PDE7B: variants seen among roughly 807,000 people sequenced by gnomAD.
The protein encoded by PDE7B is 3',5'-cyclic-AMP phosphodiesterase 7B.
In PDE7B, 29 loss-of-function variants were observed where a neutral mutation model predicts 56.2. The ratio of observed to expected loss-of-function variants is 0.52; its 90% CI spans 0.38 to 0.70. The LOEUF (loss-of-function observed/expected upper bound fraction) is 0.70, where lower values mean the gene tolerates loss of function less well. PDE7B is among the 30% of genes least tolerant of loss of function. The pLI is 0.00. For synonymous variants in PDE7B, 197 were observed against 196.9 expected (o/e 1.00, Z 0.00); for missense variants, 490 against 565.0 (o/e 0.87, Z 1.35).
At chr6:135,941,146 C>T (rs1286752440) in intron 1 of PDE7B, among the ~76,000 whole-genome samples, 1 of 151,934 alleles carries the variant, frequency 6.6e-6, no homozygotes, top group Non-Finnish European at 1.5e-5. Flanking sequence ...TTCCCTTTGC[C>T]ACTCTTGGGA....
intron 2 of PDE7B, among the ~76,000 whole-genome samples, chr6:136,075,597 T>C (rs976166379): frequency 3.3e-5 from 5 of 152,226 alleles, no homozygotes; most frequent in African/African-American, 1.2e-4. Context: ...AACTTAGTTC[T>C]GGGTGAAGTG....
At chr6:136,162,580 T>G (rs1778724428) in intron 8 of PDE7B, among the ~76,000 whole-genome samples, 1 of 152,140 alleles carries the variant, frequency 6.6e-6, no homozygotes, top group South Asian at 2.1e-4. Context: ...TCCTCACATT[T>G]CAAAACACAG....
At chr6:135,976,772 A>G (rs1403317218) in intron 2 of PDE7B, among the ~76,000 whole-genome samples, 1 of 152,178 alleles carries the variant, frequency 6.6e-6, no homozygotes, top group African/African-American at 2.4e-5. Flanking sequence ...ATCTGCAAAT[A>G]GTATGATAAT....
At chr6:135,967,919 G>A (rs1775024744) in intron 2 of PDE7B, among the ~76,000 whole-genome samples, 1 of 152,218 alleles carries the variant, frequency 6.6e-6, no homozygotes, top group African/African-American at 2.4e-5. Context: ...GCTGAGAACA[G>A]AGAAAGTCAA....
At chr6:136,086,086 C>G (rs1367139041) in intron 2 of PDE7B, among the ~76,000 whole-genome samples, 2 of 152,138 alleles carry the variant, frequency 1.3e-5, no homozygotes, top group East Asian at 3.9e-4. Flanking sequence ...GATAGTTATT[C>G]TGCAGTACTT....
chr6:136,054,245 A>T (rs1027463865), intron 2 of PDE7B, among the ~76,000 whole-genome samples: 1 of 152,176 alleles, frequency 6.6e-6, no homozygotes, highest in African/African-American at 2.4e-5. Context: ...GGTGTAAGGA[A>T]GGGATCCAGT....
chr6:136,183,072 C>CAA lies in PDE7B; in HGVS notation c.1045+1767_1045+1768dup, dbSNP rs869296450. On this transcript the variant is annotated intron_variant, in intron 11 of 12. Coordinates refer to ENST00000308191, the MANE Select transcript of PDE7B (RefSeq NM_018945.4). ...GGGCAACAGAGCAAGACTCCGTCTC[C>CAA]AAAAAAAAAAAAAAAAAAACCCTTT... Among the ~76,000 whole-genome samples the CAA allele has an allele frequency of 9.9e-3, 500 of 50,434 alleles. 5 individuals are homozygous for CAA. The highest frequency in any genetic ancestry group is 0.029 in the African/African-American group (409 of 14,192). The allele number at this position is 50,434 out of a possible 152,430, so 33.1% of individuals were successfully genotyped here.
At chr6:135,903,769 T>G (rs1324062815) in intron 1 of PDE7B, among the ~76,000 whole-genome samples, 1 of 152,206 alleles carries the variant, frequency 6.6e-6, no homozygotes, top group Non-Finnish European at 1.5e-5. Flanking sequence ...AAATCTTGTA[T>G]TTTTAGAGAA....
rs1774236133 is a variant in PDE7B, at chr6:135,928,489, A to ATATT, written c.22-18972_22-18971insTTAT. Among the ~76,000 whole-genome samples the ATATT allele has an allele frequency of 2.3e-3, 186 of 81,456 alleles. 3 individuals are homozygous for ATATT. The highest frequency in any genetic ancestry group is 3.7e-3 in the East Asian group (10 of 2,698). The allele number at this position is 81,456 out of a possible 152,430, so 53.4% of individuals were successfully genotyped here. On this transcript the variant is annotated intron_variant, in intron 1 of 12. Coordinates refer to ENST00000308191, the MANE Select transcript of PDE7B (RefSeq NM_018945.4). ...TTTATTTATATATATATATTTATTTATATATATATATTTATATATATATAT... is the reference window on the plus strand; with the variant it reads ...TTTATTTATATATATATATTTATTTATATTTATATATATATTTATATATATATAT...
At chr6:136,131,958 C>T (rs73565082) in intron 3 of PDE7B, among the ~76,000 whole-genome samples, 6,722 of 152,106 alleles carry the variant, frequency 0.044, 495 homozygotes, top group African/African-American at 0.15. Flanking sequence ...TTTAAACACT[C>T]GTATTTATGA....
chr6:136,151,018 T>C lies in PDE7B; in HGVS notation c.383-142T>C. 6 of 574,314 alleles carry C rather than the reference T, an allele frequency of 1.0e-5. No homozygotes were observed. The South Asian group carries it at 1.5e-4, about 14-fold the overall frequency. 35.6% of individuals were successfully genotyped at this position (574,314 alleles called of 1,614,324 possible). A position where few individuals can be genotyped will look rare whatever the true frequency, so the allele number is the denominator to read the frequency against. Reference sequence around the variant, plus strand: ...ATCAGATCATAGTAATAATATGCTCTATCCTTGAATAATTTCACTTCTAAA... The same window carrying C: ...ATCAGATCATAGTAATAATATGCTCCATCCTTGAATAATTTCACTTCTAAA... On this transcript the variant is annotated intron_variant, in intron 5 of 12. Transcript: ENST00000308191.
chr6:136,050,807 T>C (rs1374919204), intron 2 of PDE7B, among the ~76,000 whole-genome samples: 5 of 152,204 alleles, frequency 3.3e-5, no homozygotes, highest in Admixed American at 2.0e-4. Flanking sequence ...CATTTGTTTT[T>C]CTTTCCTGCT....
intron 6 of PDE7B, among the ~76,000 whole-genome samples, chr6:136,153,552 T>C (rs138343406): frequency 2.6e-5 from 4 of 152,260 alleles, no homozygotes; most frequent in African/African-American, 9.6e-5. Flanking sequence ...AAGTCCACAG[T>C]TGGATCAAGG....
chr6:136,184,277 G>A (rs1265284547), intron 11 of PDE7B, among the ~76,000 whole-genome samples: 1 of 152,050 alleles, frequency 6.6e-6, no homozygotes, highest in Non-Finnish European at 1.5e-5. Context: ...AAACATAAAC[G>A]TGTTGAATAA....
At chr6:136,030,628 G>A (rs1776232565) in intron 2 of PDE7B, among the ~76,000 whole-genome samples, 1 of 152,116 alleles carries the variant, frequency 6.6e-6, no homozygotes, top group African/African-American at 2.4e-5. Context: ...CTCATGCCTG[G>A]AATATCACAG....
intron 2 of PDE7B, among the ~76,000 whole-genome samples, chr6:136,068,400 A>C (rs1776983074): frequency 6.7e-6 from 1 of 149,298 alleles, no homozygotes; most frequent in African/African-American, 2.5e-5. Flanking sequence ...GGTTAAGAGA[A>C]GGGGTTGTGG....
intron 2 of PDE7B, chr6:136,038,646 C>A: frequency 1.5e-6 from 1 of 672,776 alleles, no homozygotes; most frequent in Non-Finnish European, 2.1e-6. Flanking sequence ...GGTCTGAGGG[C>A]TGTGACTTCC....
intron 2 of PDE7B, chr6:136,093,989 C>G (rs1459226393): frequency 1.3e-5 from 2 of 152,436 alleles, no homozygotes; most frequent in Admixed American, 6.5e-5. Flanking sequence ...AGCCAAATAC[C>G]TTAGACTGGG....
chr6:135,873,301 TG>T (rs1391691049), intron 1 of PDE7B, among the ~76,000 whole-genome samples: 1 of 152,132 alleles, frequency 6.6e-6, no homozygotes, highest in Admixed American at 6.6e-5. Context: ...TATCTATGAA[TG>T]GGGGTAAAGA....
Sources: gnomAD v4.1 joint callset for allele counts (sites outside exome capture counted in the v4.1 genomes callset) on GRCh38, gnomAD v4.1.1 for gene constraint, MANE v1.5 for transcripts, NCBI Gene and HGNC (gene_info 2026-07-23, HGNC 2026-07-21) for gene names.